The following SYNPR variants were observed in gnomAD, a reference collection of about 807,000 sequenced individuals.
SYNPR encodes the protein synaptoporin.
SYNPR carries 23 observed loss-of-function variants against 32.9 expected under a neutral mutation model. The observed-to-expected ratio is 0.70, with a 90% CI of 0.50 to 0.99. The LOEUF is 0.99. Ranked by LOEUF, SYNPR falls within the 50% of genes least tolerant of loss-of-function variation. The pLI is 0.00. For synonymous variants in SYNPR, 146 were observed against 135.9 expected (o/e 1.07, Z -0.52); for missense variants, 318 against 349.3 (o/e 0.91, Z 0.71).
intron 2 of SYNPR, among the ~76,000 whole-genome samples, chr3:63,256,023 G>A (rs1217764184): frequency 1.3e-5 from 2 of 152,192 alleles, no homozygotes; most frequent in South Asian, 2.1e-4. Flanking sequence ...GGCTGGGGGA[G>A]GGGCGCCCGC....
At chr3:63,343,525 G>C (rs1373816908) in intron 2 of SYNPR, among the ~76,000 whole-genome samples, 1 of 152,118 alleles carries the variant, frequency 6.6e-6, no homozygotes, top group Non-Finnish European at 1.5e-5. Flanking sequence ...TGCCCTGCTG[G>C]ACTGAACTCC....
intron 1 of SYNPR, among the ~76,000 whole-genome samples, chr3:63,232,284 C>T (rs2086172829): frequency 6.9e-6 from 1 of 145,486 alleles, no homozygotes; most frequent in Non-Finnish European, 1.5e-5. Flanking sequence ...TCACTGCAAC[C>T]TCCCCGTCCC....
At chr3:63,513,257 C>A (rs114670686) in intron 3 of SYNPR, among the ~76,000 whole-genome samples, 6,242 of 148,436 alleles carry the variant, frequency 0.042, 199 homozygotes, top group Non-Finnish European at 0.06. Flanking sequence ...CACTGTGTTG[C>A]CCAGGCTGGT....
At chr3:63,385,661 CTAATT>C (rs1322329858) in intron 2 of SYNPR, among the ~76,000 whole-genome samples, 2 of 152,276 alleles carry the variant, frequency 1.3e-5, no homozygotes, top group East Asian at 3.9e-4. Context: ...CCTCCTAAAA[CTAATT>C]TAGTTTTTTT....
intron 2 of SYNPR, among the ~76,000 whole-genome samples, chr3:63,471,582 T>C (rs1237822499): frequency 3.9e-5 from 6 of 152,206 alleles, no homozygotes; most frequent in African/African-American, 1.4e-4. Flanking sequence ...CATTCATCTG[T>C]CTACTGGGGG....
chr3:63,230,532 G>T (rs2086158921), intron 1 of SYNPR, among the ~76,000 whole-genome samples: 2 of 152,156 alleles, frequency 1.3e-5, no homozygotes, highest in Admixed American at 1.3e-4. Flanking sequence ...ACTAAATGAG[G>T]TTATCCACAT....
At chr3:63,249,255 A>G (rs1243743610) in intron 1 of SYNPR, among the ~76,000 whole-genome samples, 2 of 152,192 alleles carry the variant, frequency 1.3e-5, no homozygotes, top group East Asian at 1.9e-4. Flanking sequence ...ATTTTCAGCT[A>G]TCAGAGTGAA....
At chr3:63,222,922 C>T in the SYNPR span, among the ~76,000 whole-genome samples, 1 of 152,092 alleles carries the variant, frequency 6.6e-6, no homozygotes, top group Non-Finnish European at 1.5e-5. Context: ...ATTTGTAACA[C>T]CCCCCAAATC....
At chr3:63,563,016 T>C (rs1261678067) in intron 4 of SYNPR, among the ~76,000 whole-genome samples, 1 of 152,208 alleles carries the variant, frequency 6.6e-6, no homozygotes, top group Non-Finnish European at 1.5e-5. Flanking sequence ...TGGTATCTGA[T>C]TGTAGCACTA....
intron 4 of SYNPR, among the ~76,000 whole-genome samples, chr3:63,557,001 A>G (rs920610276): frequency 6.6e-6 from 1 of 152,248 alleles, no homozygotes; most frequent in African/African-American, 2.4e-5. Flanking sequence ...GATCAAGGAA[A>G]GAGCAGTGAA....
upstream of SYNPR, among the ~76,000 whole-genome samples, chr3:63,225,513 G>C (rs11711661): frequency 0.015 from 2,238 of 152,202 alleles, 55 homozygotes; most frequent in Non-Finnish European, 0.018. Flanking sequence ...CTGAGATAGA[G>C]ACTGGCAAGC....
intron 2 of SYNPR, among the ~76,000 whole-genome samples, chr3:63,261,871 C>G (rs576960541): frequency 2.1e-4 from 32 of 151,222 alleles, no homozygotes; most frequent in African/African-American, 7.5e-4. Flanking sequence ...ACACCGGGGA[C>G]TGTCGTGGGG....
chr3:63,551,254 AC>A (rs1702495107), intron 3 of SYNPR, among the ~76,000 whole-genome samples: 1 of 152,270 alleles, frequency 6.6e-6, no homozygotes, highest in African/African-American at 2.4e-5. Context: ...TCAGTACTTT[AC>A]TTTTTTGACA....
intron 3 of SYNPR, among the ~76,000 whole-genome samples, chr3:63,505,746 G>T (rs1254567365): frequency 6.6e-6 from 1 of 152,114 alleles, no homozygotes; most frequent in African/African-American, 2.4e-5. Flanking sequence ...GGTTTTATTG[G>T]TTATCAACAG....
intron 1 of SYNPR, among the ~76,000 whole-genome samples, chr3:63,239,271 C>T (rs1047280974): frequency 1.5e-4 from 13 of 89,218 alleles, no homozygotes; most frequent in Non-Finnish European, 1.8e-4. Flanking sequence ...ACACATCCTA[C>T]CATTGTCAAG....
chr3:63,573,942 G>A (rs182719879), intron 4 of SYNPR, among the ~76,000 whole-genome samples: 1 of 152,130 alleles, frequency 6.6e-6, no homozygotes. Context: ...TGGGCCCACT[G>A]GTGGGTAAAA....
chr3:63,366,532 A>G (rs2087731405), intron 2 of SYNPR, among the ~76,000 whole-genome samples: 1 of 152,206 alleles, frequency 6.6e-6, no homozygotes, highest in South Asian at 2.1e-4. Flanking sequence ...TTTGTCATTT[A>G]TTGAGGAATG....
intron 2 of SYNPR, among the ~76,000 whole-genome samples, chr3:63,397,795 G>A (rs946921624): frequency 6.6e-6 from 1 of 152,128 alleles, no homozygotes; most frequent in Non-Finnish European, 1.5e-5. Context: ...GGAGATGATA[G>A]CTTCCTCAAA....
chr3:63,504,775 T>C (rs1701551856), intron 3 of SYNPR, among the ~76,000 whole-genome samples: 1 of 152,104 alleles, frequency 6.6e-6, no homozygotes, highest in Non-Finnish European at 1.5e-5. Context: ...TTTGGGAACT[T>C]TCAAAGACTA....
Sources: gnomAD v4.1 joint callset for allele counts (sites outside exome capture counted in the v4.1 genomes callset) on GRCh38, gnomAD v4.1.1 for gene constraint, MANE v1.5 for transcripts, NCBI Gene and HGNC (gene_info 2026-07-23, HGNC 2026-07-21) for gene names.